RASGRP3: variants seen among roughly 807,000 people sequenced by gnomAD.
The protein encoded by RASGRP3 is ras guanyl-releasing protein 3.
Under a neutral mutation model 82.7 loss-of-function variants are expected in RASGRP3, and 54 were observed. The observed-to-expected ratio is 0.65, with a 90% CI of 0.52 to 0.82. The LOEUF is 0.82. Ranked by LOEUF, RASGRP3 falls within the 40% of genes least tolerant of loss-of-function variation. RASGRP3 has a pLI of 0.00. For missense variants in RASGRP3, 861 were observed against 828.9 expected, an observed-to-expected ratio of 1.04 and a Z score of -0.48; for synonymous variants, 309 against 300.5, an observed-to-expected ratio of 1.03 and a Z score of -0.29.
At chr2:33,544,051 T>C (rs551385170) in intron 13 of RASGRP3, among the ~76,000 whole-genome samples, 1 of 152,184 alleles carries the variant, frequency 6.6e-6, no homozygotes, top group Non-Finnish European at 1.5e-5. Context: ...TGGTGACTCA[T>C]GCCTGTAATC....
At chr2:33,443,702 C>T (rs2150875272) in intron 1 of RASGRP3, among the ~76,000 whole-genome samples, 1 of 139,092 alleles carries the variant, frequency 7.2e-6, no homozygotes, top group East Asian at 2.1e-4. Context: ...TAGTGAGATC[C>T]TGTCTCTAAA....
chr2:33,507,446 G>A (rs983686719), intron 1 of RASGRP3, among the ~76,000 whole-genome samples: 2 of 152,150 alleles, frequency 1.3e-5, no homozygotes, highest in South Asian at 2.1e-4. Flanking sequence ...AAAGCCTAGT[G>A]GGGAAGGTGG....
intron 13 of RASGRP3, among the ~76,000 whole-genome samples, chr2:33,547,168 T>C (rs1369973256): frequency 6.7e-6 from 1 of 149,088 alleles, no homozygotes; most frequent in East Asian, 2.0e-4. Flanking sequence ...GAAAACCAAA[T>C]ACCACAGGTT....
At chr2:33,493,751 A>G (rs1669064561) in intron 1 of RASGRP3, among the ~76,000 whole-genome samples, 1 of 151,506 alleles carries the variant, frequency 6.6e-6, no homozygotes, top group Non-Finnish European at 1.5e-5. Context: ...AAGTTCCTGA[A>G]TGAATAAAAA....
chr2:33,541,921 T>C (rs1674316174), intron 12 of RASGRP3, among the ~76,000 whole-genome samples: 1 of 147,102 alleles, frequency 6.8e-6, no homozygotes, highest in Non-Finnish European at 1.5e-5. Context: ...TTGGTACTTT[T>C]ATAGCTTTGG....
At chr2:33,487,739 A>G (rs1376858280) in intron 1 of RASGRP3, among the ~76,000 whole-genome samples, 1 of 152,204 alleles carries the variant, frequency 6.6e-6, no homozygotes, top group Admixed American at 6.5e-5. Context: ...GTGAGACCTC[A>G]TCTCCAGAAA....
intron 1 of RASGRP3, among the ~76,000 whole-genome samples, chr2:33,490,345 C>T (rs1160077688): frequency 6.6e-6 from 1 of 152,284 alleles, no homozygotes; most frequent in East Asian, 1.9e-4. Context: ...GTTTCTTTAC[C>T]TCTCATTTAC....
chr2:33,477,172 G>A (rs1031743848), intron 1 of RASGRP3, among the ~76,000 whole-genome samples: 2 of 152,076 alleles, frequency 1.3e-5, no homozygotes, highest in African/African-American at 4.8e-5. Context: ...TTTATTGTAT[G>A]GCTGATTTGA....
rs1670952798 is a variant in RASGRP3, at chr2:33,511,802, A to T, written c.-168A>T. On this transcript the variant is annotated 5_prime_UTR_variant, in exon 2 of 18. Transcript: ENST00000403687. ...CCCAATGATGCTAGCTGCCCTTAAA[A>T]TTCTTTCAGATTTGGAACTGTATCT... 1 of 152,664 alleles carries T rather than the reference A, an allele frequency of 6.6e-6. No homozygotes were observed. The highest frequency in any genetic ancestry group is 1.5e-5 in the Non-Finnish European group (1 of 68,048). 9.5% of individuals were successfully genotyped at this position (152,664 alleles called of 1,614,324 possible). A position where few individuals can be genotyped will look rare whatever the true frequency, so the allele number is the denominator to read the frequency against.
chr2:33,493,736 A>C (rs1321070895), intron 1 of RASGRP3, among the ~76,000 whole-genome samples: 1 of 151,884 alleles, frequency 6.6e-6, no homozygotes, highest in South Asian at 2.1e-4. Context: ...CTATCATTTT[A>C]GACCAAGTTC....
At chr2:33,475,940 C>T (rs1246569942), upstream of RASGRP3, among the ~76,000 whole-genome samples, 1 of 152,212 alleles carries the variant, frequency 6.6e-6, no homozygotes, top group African/African-American at 2.4e-5. Flanking sequence ...TGCAATTCAA[C>T]AGATAACAAT....
chr2:33,527,481 A>G (rs1205256672), intron 10 of RASGRP3, 69 bp downstream of exon 10: 3 of 1,457,030 alleles, frequency 2.1e-6, no homozygotes, highest in Non-Finnish European at 1.9e-6. Context: ...AGACACAGGA[A>G]GATGTGTGCC....
intron 1 of RASGRP3, among the ~76,000 whole-genome samples, chr2:33,483,113 A>G (rs1668079262): frequency 6.6e-6 from 1 of 152,220 alleles, no homozygotes; most frequent in East Asian, 1.9e-4. Context: ...GTAGGGTAAT[A>G]GAAACCTTGA....
At chr2:33,510,064 A>G (rs960091336) in intron 1 of RASGRP3, among the ~76,000 whole-genome samples, 4 of 152,244 alleles carry the variant, frequency 2.6e-5, no homozygotes, top group Non-Finnish European at 4.4e-5. Flanking sequence ...GTTTGTAACA[A>G]TTAACACTTG....
intron 15 of RASGRP3, among the ~76,000 whole-genome samples, chr2:33,556,721 A>G (rs1000773026): frequency 7.9e-5 from 12 of 152,058 alleles, no homozygotes; most frequent in African/African-American, 2.4e-4. Context: ...CCAAATCTCA[A>G]TGGAAGCCAC....
intron 1 of RASGRP3, among the ~76,000 whole-genome samples, chr2:33,506,914 T>A (rs1670433348): frequency 6.6e-6 from 1 of 152,192 alleles, no homozygotes; most frequent in Admixed American, 6.5e-5. Flanking sequence ...CCAGTAGGTT[T>A]GTGATAGAAA....
rs936585432 is a variant in RASGRP3, at chr2:33,562,843, C to G, written c.*106C>G. 140 of 1,439,058 alleles carry G rather than the reference C, an allele frequency of 9.7e-5. No homozygotes were observed. The highest frequency in any genetic ancestry group is 1.3e-4 in the Admixed American group (7 of 55,060). 89.1% of individuals were successfully genotyped at this position (1,439,058 alleles called of 1,614,324 possible). A position where few individuals can be genotyped will look rare whatever the true frequency, so the allele number is the denominator to read the frequency against. The stretch of plus-strand genomic sequence containing the variant: ...CTCAGGAAGTTATCTGGAAAGATAC[C>G]TGGATGTTTACTGCCTTGGGACACT... On this transcript the variant is annotated 3_prime_UTR_variant, in exon 18 of 18. Transcript: ENST00000403687.
At chr2:33,556,928 C>CATACAT (rs1553366467) in intron 15 of RASGRP3, among the ~76,000 whole-genome samples, 5,317 of 148,380 alleles carry the variant, frequency 0.036, 348 homozygotes, top group African/African-American at 0.13. Context: ...CACACACACA[C>CATACAT]GCAATTTTAT....
chr2:33,513,521 AG>A (rs1671134606), intron 2 of RASGRP3, among the ~76,000 whole-genome samples: 2 of 152,232 alleles, frequency 1.3e-5, no homozygotes, highest in African/African-American at 4.8e-5. Context: ...GAATAAATAA[AG>A]TTCAAGAGTA....
Sources: gnomAD v4.1 joint callset for allele counts (sites outside exome capture counted in the v4.1 genomes callset) on GRCh38, gnomAD v4.1.1 for gene constraint, MANE v1.5 for transcripts, NCBI Gene and HGNC (gene_info 2026-07-23, HGNC 2026-07-21) for gene names.